The following GLRA3 variants were observed in gnomAD, a reference collection of about 807,000 sequenced individuals.
The protein encoded by GLRA3 is glycine receptor subunit alpha-3.
GLRA3 carries 44 observed loss-of-function variants against 60.4 expected under a neutral mutation model. The ratio of observed to expected loss-of-function variants is 0.73; its 90% CI spans 0.57 to 0.94. The LOEUF (loss-of-function observed/expected upper bound fraction) is 0.94. Ranked by LOEUF, GLRA3 falls within the 40% of genes least tolerant of loss-of-function variation. GLRA3 has a pLI of 0.00. For synonymous variants in GLRA3, 223 were observed against 192.9 expected, an observed-to-expected ratio of 1.16 and a Z score of -1.29; for missense variants, 508 against 564.6, an observed-to-expected ratio of 0.90 and a Z score of 1.02.
chr4:174,748,001 A>G lies in GLRA3; in HGVS notation c.267+18962T>C, dbSNP rs115067327. On this transcript the variant is annotated intron_variant, in intron 3 of 9. Transcript: ENST00000274093. ...CCTTTCACATGGAGACACTTGGGCT[A>G]TAGCTATTGACTGGACAATTACCAC... Among the ~76,000 whole-genome samples, 1,432 of 151,980 alleles carry G rather than the reference A, an allele frequency of 9.4e-3. 21 individuals are homozygous for G. The highest frequency in any genetic ancestry group is 0.033 in the African/African-American group (1,355 of 41,470).
intron 1 of GLRA3, among the ~76,000 whole-genome samples, chr4:174,801,705 T>G (rs1443335050): frequency 2.0e-5 from 3 of 152,036 alleles, no homozygotes; most frequent in African/African-American, 7.3e-5. Flanking sequence ...TGATTGCCTT[T>G]GCCTAAAGTG....
rs1732516251 is a variant in GLRA3, at chr4:174,637,210, T to C, written c.*6576A>G. Reference sequence around the variant, plus strand: ...AATTTACACCATAAAAACCATAAAATAGCAATACTTCTTTTGGTAGTCCTT... The same window carrying C: ...AATTTACACCATAAAAACCATAAAACAGCAATACTTCTTTTGGTAGTCCTT... On this transcript the variant is annotated 3_prime_UTR_variant, in exon 10 of 10. Coordinates refer to ENST00000274093, the MANE Select transcript of GLRA3 (RefSeq NM_006529.4). The C allele has an allele frequency of 1.3e-5, 2 of 152,042 alleles. No individual in the cohort carries two copies. Among genetic ancestry groups the C allele is most frequent in the South Asian group, 4.1e-4 (2 of 4,828 alleles). The allele number at this position is 152,042 out of a possible 1,614,324, so 9.4% of individuals were successfully genotyped here. A position where few individuals can be genotyped will look rare whatever the true frequency, so the allele number is the denominator to read the frequency against.
intron 1 of GLRA3, among the ~76,000 whole-genome samples, chr4:174,794,783 TC>T (rs1739495822): frequency 6.6e-6 from 1 of 152,144 alleles, no homozygotes; most frequent in Non-Finnish European, 1.5e-5. Context: ...TGATATTGGT[TC>T]TGTAAAAATT....
In GLRA3 at chr4:174,788,857, C is replaced by T. The variant is rs1739220987; in HGVS notation, c.158G>A (p.Arg53Lys). 6.2e-7 allele frequency: 1 copy of T among 1,607,658 alleles called. No individual in the cohort carries two copies. Among genetic ancestry groups the T allele is most frequent in the South Asian group, 1.1e-5 (1 of 90,612 alleles). Residue 53 changes from arginine (R) to lysine (K), a missense_variant, in exon 2 of 10, where the codon AGG becomes AAG. By Grantham distance (26) the Arg-to-Lys change is conservative. Transcript: ENST00000274093. The stretch of plus-strand genomic sequence containing the variant: ...GATTCTTGCATCATATCCTGATGTC[C>T]TGCCCATTAATTTATCCAGAAAATC... ...PSDFLDKLMG[R>K]TSGYDARIRP...
chr4:174,706,795 A>C (rs1735537076), intron 5 of GLRA3, among the ~76,000 whole-genome samples: 1 of 152,326 alleles, frequency 6.6e-6, no homozygotes, highest in East Asian at 1.9e-4. Context: ...AAAGCTGCTA[A>C]GAGACTAATG....
intron 1 of GLRA3, among the ~76,000 whole-genome samples, chr4:174,800,651 C>A (rs1287111857): frequency 6.6e-6 from 1 of 152,082 alleles, no homozygotes; most frequent in Non-Finnish European, 1.5e-5. Context: ...TCTCAGCCAC[C>A]TGCCCCTTTC....
chr4:174,638,882 C>T lies in GLRA3; in HGVS notation c.*4904G>A, dbSNP rs1010891956. On this transcript the variant is annotated 3_prime_UTR_variant, in exon 10 of 10. Coordinates refer to ENST00000274093, the MANE Select transcript of GLRA3 (RefSeq NM_006529.4). ...AAATCATAATCTTCTATGTTGGACACCAAGCATATGTATGTATTTTTAAAA... is the reference window on the plus strand; with the variant it reads ...AAATCATAATCTTCTATGTTGGACATCAAGCATATGTATGTATTTTTAAAA... 18 of 152,154 alleles carry T rather than the reference C, an allele frequency of 1.2e-4. No individual in the cohort carries two copies. In the Middle Eastern group the frequency reaches 0.017, roughly 144 times the overall value. 9.4% of individuals were successfully genotyped at this position (152,154 alleles called of 1,614,324 possible).
At chr4:174,659,699 C>T (rs1160285965) in intron 7 of GLRA3, among the ~76,000 whole-genome samples, 1 of 152,052 alleles carries the variant, frequency 6.6e-6, no homozygotes, top group Non-Finnish European at 1.5e-5. Flanking sequence ...AGGTCAGGCT[C>T]AGTGGCTCAC....
intron 1 of GLRA3, among the ~76,000 whole-genome samples, chr4:174,796,247 A>C (rs1579622412): frequency 6.6e-6 from 1 of 152,188 alleles, no homozygotes; most frequent in Admixed American, 6.5e-5. Context: ...AAGCAGGCCC[A>C]AAACCAGACA....
At chr4:174,717,704 C>T (rs1291548706) in intron 4 of GLRA3, among the ~76,000 whole-genome samples, 4 of 152,140 alleles carry the variant, frequency 2.6e-5, no homozygotes, top group South Asian at 2.1e-4. Context: ...TTTCTCCTGG[C>T]TCAGCTAGGT....
intron 2 of GLRA3, among the ~76,000 whole-genome samples, chr4:174,776,613 AACAG>A (rs1262483225): frequency 3.0e-4 from 46 of 152,132 alleles, no homozygotes; most frequent in Admixed American, 2.2e-3. Context: ...AACAAATTAG[AACAG>A]ACAATCAACA....
intron 1 of GLRA3, among the ~76,000 whole-genome samples, chr4:174,790,718 C>T (rs191368414): frequency 7.9e-4 from 119 of 150,988 alleles, no homozygotes; most frequent in African/African-American, 2.8e-3. Context: ...CGGTGGCTCA[C>T]GCCTGTAATC....
In GLRA3 at chr4:174,639,434, G is replaced by A. The variant is rs1452870000; in HGVS notation, c.*4352C>T. 6 of 151,446 alleles carry A rather than the reference G, an allele frequency of 4.0e-5. No homozygotes were observed. Among genetic ancestry groups the A allele is most frequent in the Non-Finnish European group, 7.4e-5 (5 of 67,900 alleles). 9.4% of individuals were successfully genotyped at this position (151,446 alleles called of 1,614,324 possible). ...TGAAAGAGAGAGAGAGAGAGGGAAA[G>A]GGAAGAGATGAAGGCATTATTAAGA... On this transcript the variant is annotated 3_prime_UTR_variant, in exon 10 of 10. Coordinates refer to ENST00000274093, the MANE Select transcript of GLRA3 (RefSeq NM_006529.4).
intron 4 of GLRA3, among the ~76,000 whole-genome samples, chr4:174,725,575 G>A (rs879633275): frequency 6.6e-5 from 10 of 152,100 alleles, no homozygotes; most frequent in African/African-American, 1.2e-4. Flanking sequence ...CTGCCTCTTA[G>A]GCTCAAGAGA....
At chr4:174,771,003 G>C (rs888642365) in intron 2 of GLRA3, among the ~76,000 whole-genome samples, 3 of 146,780 alleles carry the variant, frequency 2.0e-5, no homozygotes, top group Non-Finnish European at 3.0e-5. Flanking sequence ...AAAACCACAT[G>C]TTCTCACTCA....
At chr4:174,810,207 T>G (rs1740205500) in intron 1 of GLRA3, among the ~76,000 whole-genome samples, 1 of 152,168 alleles carries the variant, frequency 6.6e-6, no homozygotes, top group Admixed American at 6.6e-5. Flanking sequence ...AAGGAGCAGT[T>G]AGAGAAGAAC....
intron 5 of GLRA3, among the ~76,000 whole-genome samples, chr4:174,697,769 T>C (rs1735119289): frequency 6.6e-6 from 1 of 151,764 alleles, no homozygotes; most frequent in African/African-American, 2.4e-5. Flanking sequence ...CAACAATAAC[T>C]TTGTTCATAT....
chr4:174,701,292 A>G (rs1205812079), intron 5 of GLRA3, among the ~76,000 whole-genome samples: 1 of 152,166 alleles, frequency 6.6e-6, no homozygotes, highest in Non-Finnish European at 1.5e-5. Flanking sequence ...TATAAATGGA[A>G]CAAGCCTGGA....
At chr4:174,783,186 T>C (rs547641513) in intron 2 of GLRA3, among the ~76,000 whole-genome samples, 63 of 151,716 alleles carry the variant, frequency 4.2e-4, no homozygotes, top group African/African-American at 1.5e-3. Context: ...CTATCTGATC[T>C]TTGACAAACC....
Sources: allele counts gnomAD v4.1 joint callset (sites outside exome capture counted in the v4.1 genomes callset), GRCh38; gene constraint gnomAD v4.1.1; transcripts MANE v1.5; gene names NCBI Gene and HGNC (gene_info 2026-07-23, HGNC 2026-07-21).